ANKRD44: variants seen among roughly 807,000 people sequenced by gnomAD.
ANKRD44 encodes the protein serine/threonine-protein phosphatase 6 regulatory ankyrin repeat subunit B.
A neutral mutation model predicts 116.0 loss-of-function variants in ANKRD44; 35 were observed. That is an observed-to-expected ratio of 0.30 (90% CI 0.23 to 0.40). ANKRD44 has a LOEUF of 0.40. ANKRD44 is among the 10% of genes least tolerant of loss of function. The probability of loss-of-function intolerance (pLI) is 1.00; values close to 1 mark genes in which losing one functional copy is unlikely to be tolerated. For synonymous variants in ANKRD44, 435 were observed against 461.8 expected (o/e 0.94, Z 0.74); for missense variants, 1,014 against 1,242.6 (o/e 0.82, Z 2.77).
intron 19 of ANKRD44, among the ~76,000 whole-genome samples, chr2:197,008,609 A>T (rs992593836): frequency 6.6e-6 from 1 of 152,234 alleles, no homozygotes; most frequent in African/African-American, 2.4e-5. Flanking sequence ...CCTATTTATT[A>T]ATTAGAAAAT....
At chr2:197,068,673 T>C (rs544437955) in intron 16 of ANKRD44, among the ~76,000 whole-genome samples, 6 of 152,082 alleles carry the variant, frequency 3.9e-5, no homozygotes, top group African/African-American at 4.8e-5. Flanking sequence ...AGAAAACATT[T>C]ATGCAGCCAA....
intron 2 of ANKRD44, among the ~76,000 whole-genome samples, chr2:197,172,284 G>T (rs756293965): frequency 1.3e-5 from 2 of 152,040 alleles, no homozygotes; most frequent in African/African-American, 2.4e-5. Context: ...TTACAGGTGT[G>T]AGCCACCACG....
At chr2:197,300,614 G>A (rs143028543) in intron 1 of ANKRD44, among the ~76,000 whole-genome samples, 244 of 152,208 alleles carry the variant, frequency 1.6e-3, no homozygotes, top group Non-Finnish European at 2.8e-3. Flanking sequence ...GGGGAAAAAG[G>A]CCTCTTGTGA....
At chr2:197,118,896 A>G (rs2078785574) in intron 8 of ANKRD44, among the ~76,000 whole-genome samples, 1 of 152,292 alleles carries the variant, frequency 6.6e-6, no homozygotes, top group Admixed American at 6.5e-5. Flanking sequence ...TTTAACACAA[A>G]TGTACGTTTT....
intron 16 of ANKRD44, among the ~76,000 whole-genome samples, chr2:197,073,385 G>A (rs1437596409): frequency 6.6e-6 from 1 of 152,104 alleles, no homozygotes; most frequent in East Asian, 1.9e-4. Flanking sequence ...ACTCTTCCAC[G>A]CAGCCTTCCC....
At chr2:197,009,571 G>A (rs985877965) in intron 18 of ANKRD44, among the ~76,000 whole-genome samples, 1 of 151,140 alleles carries the variant, frequency 6.6e-6, no homozygotes, top group African/African-American at 2.4e-5. Context: ...GTTTCACCAT[G>A]TTGCCTAGGC....
At chr2:197,202,403 G>T (rs547077597) in intron 1 of ANKRD44, among the ~76,000 whole-genome samples, 1 of 147,906 alleles carries the variant, frequency 6.8e-6, no homozygotes, top group South Asian at 2.1e-4. Flanking sequence ...GATTTCAGAT[G>T]GAAAAAAAAA....
intron 2 of ANKRD44, among the ~76,000 whole-genome samples, chr2:197,153,488 A>G (rs2079717186): frequency 1.3e-5 from 2 of 152,170 alleles, no homozygotes; most frequent in South Asian, 4.1e-4. Context: ...TTCAAATTAC[A>G]TGAGGACAGG....
At chr2:197,005,495 TCAGTTAAGGCATCA>T (rs2076185560) in intron 21 of ANKRD44, among the ~76,000 whole-genome samples, 185 bp downstream of exon 21, 1 of 152,182 alleles carries the variant, frequency 6.6e-6, no homozygotes, top group Non-Finnish European at 1.5e-5. Context: ...GAACTTTTAC[TCAGTTAAGGCATCA>T]CAGCAGCTGT....
chr2:197,176,870 C>T (rs1444014501), intron 2 of ANKRD44, among the ~76,000 whole-genome samples: 2 of 152,132 alleles, frequency 1.3e-5, no homozygotes, highest in Non-Finnish European at 2.9e-5. Context: ...CTTACCCTAA[C>T]TGAATACCAT....
chr2:197,090,021 T>C lies in ANKRD44; in HGVS notation c.1112A>G (p.His371Arg). The stretch of plus-strand genomic sequence containing the variant: ...AGCTAAATGTAAAGGGAACATGCTA[T>C]GGATTCCACACCTGAGGAGTAAGAA... ...SGADTAKCGI[H>R]SMFPLHLAAL... Residue 371 changes from histidine to arginine, a missense_variant, in exon 11 of 28, where the codon CAT becomes CGT. Transcript: ENST00000282272. The C allele has an allele frequency of 6.2e-7, 1 of 1,613,952 alleles. No homozygotes were observed. Among genetic ancestry groups the C allele is most frequent in the Non-Finnish European group, 8.5e-7 (1 of 1,179,856 alleles).
intron 16 of ANKRD44, among the ~76,000 whole-genome samples, chr2:197,050,365 A>G (rs1297788725): frequency 6.6e-6 from 1 of 152,032 alleles, no homozygotes; most frequent in Non-Finnish European, 1.5e-5. Flanking sequence ...ATCAACCATC[A>G]ATAACGAAGC....
intron 1 of ANKRD44, among the ~76,000 whole-genome samples, chr2:197,303,996 G>C (rs1249309858): frequency 2.6e-5 from 4 of 152,160 alleles, no homozygotes; most frequent in Non-Finnish European, 5.9e-5. Flanking sequence ...AGGTTAAAAA[G>C]GAGTAATCTA....
At chr2:197,149,849 C>G (rs1324201983) in intron 2 of ANKRD44, among the ~76,000 whole-genome samples, 2 of 152,116 alleles carry the variant, frequency 1.3e-5, no homozygotes, top group Admixed American at 6.5e-5. Flanking sequence ...GGTAGAAGGC[C>G]ACTCTACTTT....
chr2:197,121,594 C>T, intron 7 of ANKRD44, 50 bp from the exon 8 acceptor site: 1 of 1,492,462 alleles, frequency 6.7e-7, no homozygotes, highest in Non-Finnish European at 9.3e-7. Flanking sequence ...AGCCAGTTTA[C>T]TCCATTTTCC....
chr2:197,249,430 G>A (rs2082269637), intron 1 of ANKRD44, among the ~76,000 whole-genome samples: 1 of 152,178 alleles, frequency 6.6e-6, no homozygotes, highest in South Asian at 2.1e-4. Flanking sequence ...CTCTACATGT[G>A]GGAGAATGTG....
At chr2:197,164,073 G>T (rs992571888) in intron 2 of ANKRD44, among the ~76,000 whole-genome samples, 15 of 152,336 alleles carry the variant, frequency 9.8e-5, no homozygotes, top group Non-Finnish European at 1.5e-4. Flanking sequence ...TTCCCAGAAG[G>T]ATGGACTTTC....
At chr2:197,308,995 A>C (rs2084159589) in intron 1 of ANKRD44, among the ~76,000 whole-genome samples, 1 of 152,218 alleles carries the variant, frequency 6.6e-6, no homozygotes, top group African/African-American at 2.4e-5. Flanking sequence ...TGTCATTTAG[A>C]AAATGAAGGG....
chr2:197,171,618 A>T (rs2080235724), intron 2 of ANKRD44, among the ~76,000 whole-genome samples: 1 of 152,346 alleles, frequency 6.6e-6, no homozygotes, highest in Non-Finnish European at 1.5e-5. Context: ...TGGATGTAAG[A>T]TATGCACTTG....
Sources: allele counts gnomAD v4.1 joint callset (sites outside exome capture counted in the v4.1 genomes callset), GRCh38; gene constraint gnomAD v4.1.1; transcripts MANE v1.5; gene names NCBI Gene and HGNC (gene_info 2026-07-23, HGNC 2026-07-21).